NUP37: variants seen among roughly 807,000 people sequenced by gnomAD.
The protein encoded by NUP37 is nucleoporin Nup37.
NUP37 carries 33 observed loss-of-function variants against 45.4 expected under a neutral mutation model. The ratio of observed to expected loss-of-function variants is 0.73; its 90% CI spans 0.55 to 0.97. NUP37 has a LOEUF of 0.97. Ranked by LOEUF, NUP37 falls within the 50% of genes least tolerant of loss-of-function variation. NUP37 has a pLI of 0.00. For synonymous variants in NUP37, 127 were observed against 130.7 expected, an observed-to-expected ratio of 0.97 and a Z score of 0.19; for missense variants, 365 against 389.7, an observed-to-expected ratio of 0.94 and a Z score of 0.53.
intron 5 of NUP37, among the ~76,000 whole-genome samples, chr12:102,091,105 G>A (rs771292710): frequency 6.6e-6 from 1 of 152,076 alleles, no homozygotes; most frequent in Non-Finnish European, 1.5e-5. Flanking sequence ...TGCTTTAAAA[G>A]CTCACAGCCG....
chr12:102,098,712 A>C (rs762055166), intron 5 of NUP37, among the ~76,000 whole-genome samples: 10 of 152,134 alleles, frequency 6.6e-5, no homozygotes, highest in Non-Finnish European at 1.3e-4. Context: ...TTGTATGTTT[A>C]GTAGAAATGG....
rs1157670175 is a variant in NUP37 at position 102,118,401 on chromosome 12, C to A, written c.118G>T (p.Gly40Cys). 1 of 1,613,874 alleles carries A rather than the reference C, an allele frequency of 6.2e-7. No homozygotes were observed. The highest frequency in any genetic ancestry group is 1.7e-5 in the Admixed American group (1 of 59,934). ...GTGCCAATGACCACATAATTATTGC[C>A]ACCATATGCAATTAGGTTTCCTGAA... ...GDSGNLIAYG[G>C]NNYVVIGTCT... The change falls in exon 2 of 10, where the codon GGC becomes TGC. Residue 40 changes from glycine to cysteine, a missense_variant. By Grantham distance (159) the Gly-to-Cys change is radical. Transcript: ENST00000552283.
chr12:102,074,802 T>C (rs1485888049), intron 9 of NUP37, 199 bp downstream of exon 9: 1 of 454,200 alleles, frequency 2.2e-6, no homozygotes, highest in Admixed American at 3.9e-5. Context: ...AAACCTGTTG[T>C]CACTGGTAAT....
intron 2 of NUP37, among the ~76,000 whole-genome samples, chr12:102,114,042 G>GA (rs1292477858): frequency 6.6e-6 from 1 of 152,130 alleles, no homozygotes; most frequent in East Asian, 1.9e-4. Flanking sequence ...ATCAAGGAAA[G>GA]AAAAACACTG....
intron 3 of NUP37, among the ~76,000 whole-genome samples, chr12:102,102,934 C>T (rs1301254362): frequency 6.6e-6 from 1 of 152,102 alleles, no homozygotes; most frequent in East Asian, 1.9e-4. Context: ...TCTGGGCTCT[C>T]TATCTTATTC....
intron 6 of NUP37, among the ~76,000 whole-genome samples, chr12:102,084,763 T>G (rs1340272857): frequency 6.6e-6 from 1 of 150,524 alleles, no homozygotes; most frequent in Admixed American, 6.6e-5. Flanking sequence ...CCTAAGGAAC[T>G]ACCATGAACT....
intron 6 of NUP37, among the ~76,000 whole-genome samples, chr12:102,080,439 A>C (rs1879300063): frequency 6.6e-6 from 1 of 152,172 alleles, no homozygotes; most frequent in Non-Finnish European, 1.5e-5. Flanking sequence ...AACAAACAGA[A>C]AACAAAAATG....
At chr12:102,077,761 T>C (rs963093916) in intron 6 of NUP37, among the ~76,000 whole-genome samples, 4 of 152,210 alleles carry the variant, frequency 2.6e-5, no homozygotes, top group African/African-American at 7.2e-5. Flanking sequence ...AAAAAAGTTA[T>C]ATAAAATTAT....
At chr12:102,088,129 A>G (rs991808614) in intron 5 of NUP37, among the ~76,000 whole-genome samples, 7 of 152,208 alleles carry the variant, frequency 4.6e-5, no homozygotes, top group Admixed American at 1.3e-4. Context: ...GTAAGTATGT[A>G]AAATACAACA....
At chr12:102,093,515 T>C (rs1046666012) in intron 5 of NUP37, among the ~76,000 whole-genome samples, 3 of 152,060 alleles carry the variant, frequency 2.0e-5, no homozygotes, top group South Asian at 2.1e-4. Flanking sequence ...AAATACCATA[T>C]GGTAGTTTTC....
At chr12:102,083,216 G>A (rs1394169834) in intron 6 of NUP37, among the ~76,000 whole-genome samples, 1 of 152,186 alleles carries the variant, frequency 6.6e-6, no homozygotes, top group East Asian at 1.9e-4. Context: ...GCAGTTTATT[G>A]TAGTTATATA....
intron 2 of NUP37, among the ~76,000 whole-genome samples, chr12:102,116,140 C>G (rs1407216367): frequency 1.3e-5 from 2 of 152,106 alleles, no homozygotes. Flanking sequence ...AATGTTTATA[C>G]TAGTTCTTTT....
chr12:102,075,986 T>G (rs895013426), intron 8 of NUP37, among the ~76,000 whole-genome samples: 1 of 152,032 alleles, frequency 6.6e-6, no homozygotes, highest in Non-Finnish European at 1.5e-5. Context: ...TCCTTGACAC[T>G]GAGAATAGCA....
chr12:102,076,601 T>C (rs899279212), intron 8 of NUP37, among the ~76,000 whole-genome samples, 196 bp downstream of exon 8: 3 of 152,088 alleles, frequency 2.0e-5, no homozygotes, highest in African/African-American at 7.2e-5. Context: ...AAGAAAATAT[T>C]TGGAAAACAA....
intron 3 of NUP37, among the ~76,000 whole-genome samples, chr12:102,103,905 T>A (rs968506519): frequency 2.6e-5 from 4 of 152,174 alleles, no homozygotes; most frequent in East Asian, 3.9e-4. Flanking sequence ...ACAGGTAACA[T>A]CATTCTTAAT....
chr12:102,086,479 G>C (rs1376605471), intron 5 of NUP37, among the ~76,000 whole-genome samples: 1 of 152,170 alleles, frequency 6.6e-6, no homozygotes, highest in African/African-American at 2.4e-5. Context: ...GACGATTAAA[G>C]CTGGGTTGAA....
chr12:102,084,188 G>T (rs1231634167), intron 6 of NUP37, among the ~76,000 whole-genome samples: 1 of 152,092 alleles, frequency 6.6e-6, no homozygotes, highest in East Asian at 1.9e-4. Context: ...TGTAAAATGG[G>T]GATAATCACA....
At chr12:102,078,222 G>C (rs1027899869) in intron 6 of NUP37, among the ~76,000 whole-genome samples, 10 of 151,852 alleles carry the variant, frequency 6.6e-5, no homozygotes, top group African/African-American at 2.2e-4. Context: ...CTAGCTACTC[G>C]GGAGGCTGAG....
intron 5 of NUP37, among the ~76,000 whole-genome samples, chr12:102,094,829 T>C (rs1353762817): frequency 6.6e-6 from 1 of 152,104 alleles, no homozygotes; most frequent in Non-Finnish European, 1.5e-5. Context: ...TCATGTTTTA[T>C]AGAGAAAGTG....
Sources: gnomAD v4.1 joint callset for allele counts (sites outside exome capture counted in the v4.1 genomes callset) on GRCh38, gnomAD v4.1.1 for gene constraint, MANE v1.5 for transcripts, NCBI Gene and HGNC (gene_info 2026-07-23, HGNC 2026-07-21) for gene names.